OTULINL: variants seen among roughly 807,000 people sequenced by gnomAD.
The protein encoded by OTULINL is inactive ubiquitin thioesterase OTULINL.
OTULINL carries 42 observed loss-of-function variants against 43.9 expected under a neutral mutation model. That is an observed-to-expected ratio of 0.96 (90% CI 0.75 to 1.24). The LOEUF is 1.24. OTULINL is among the 50% of genes most tolerant of loss of function. The pLI is 0.00. For synonymous variants in OTULINL, 172 were observed against 153.6 expected (o/e 1.12, Z -0.88); for missense variants, 411 against 426.4 (o/e 0.96, Z 0.32).
Position 14,602,190 on chromosome 5 carries a change from A to C in OTULINL, c.356A>C (p.Glu119Ala). The C allele has an allele frequency of 6.2e-7, 1 of 1,601,858 alleles. No individual in the cohort carries two copies. The highest frequency in any genetic ancestry group is 8.5e-7 in the Non-Finnish European group (1 of 1,174,814). ...PRNKLMRKAY[E>A]ELFWRHHIKC... ...CTCTTTTTATTTTATTAGGCTTATG[A>C]GGAGCTATTTTGGCGGCATCACATT... The change falls in exon 5 of 8, where the codon GAG becomes GCG. Residue 119 changes from glutamate to alanine, a missense_variant. By Grantham distance (107) the Glu-to-Ala change is moderately radical. Coordinates refer to ENST00000274217, the MANE Select transcript of OTULINL (RefSeq NM_019018.3).
Position 14,614,930 on chromosome 5 carries a change from C to G in OTULINL, c.*4616C>G, listed in dbSNP as rs1378825515. 6 of 396,086 alleles carry G rather than the reference C, an allele frequency of 1.5e-5. No individual in the cohort carries two copies. The highest frequency in any genetic ancestry group is 1.2e-4 in the African/African-American group (6 of 48,598). The allele number at this position is 396,086 out of a possible 1,614,324, so 24.5% of individuals were successfully genotyped here. ...TTGCTGCCACCAGACCAGTGAGAGT[C>G]ACTCACTTATTTGTAATGATTCTTG... On this transcript the variant is annotated 3_prime_UTR_variant, in exon 8 of 8. Transcript: ENST00000274217.
At position 14,610,288 on chromosome 5, in the gene OTULINL, C is replaced by G. The variant is rs199613650; in HGVS notation, c.1045C>G (p.Arg349Gly). The G allele has an allele frequency of 1.9e-6, 3 of 1,613,142 alleles. No homozygotes were observed. Among genetic ancestry groups the G allele is most frequent in the Non-Finnish European group, 2.5e-6 (3 of 1,180,004 alleles). Residue 349 changes from arginine (R) to glycine (G), a missense_variant, in exon 8 of 8, where the codon CGC (arginine) becomes GGC (glycine). Transcript: ENST00000274217. ...PEISLLTEND[R>G]HYHIPVF ...GATCTCCCTGCTGACCGAGAACGAC[C>G]GCCACTACCACATTCCAGTCTTTTA... is the stretch of plus-strand genomic sequence containing the variant.
At chr5:14,590,854 G>A (rs1418709937) in intron 1 of OTULINL, among the ~76,000 whole-genome samples, 1 of 152,102 alleles carries the variant, frequency 6.6e-6, no homozygotes, top group Non-Finnish European at 1.5e-5. Flanking sequence ...TGACATCAGG[G>A]GCTAGCAGGA....
chr5:14,609,219 C>T (rs1178627206), intron 7 of OTULINL, among the ~76,000 whole-genome samples: 2 of 152,176 alleles, frequency 1.3e-5, no homozygotes, highest in East Asian at 1.9e-4. Flanking sequence ...CTCCTCAGAC[C>T]TCTAGCCAGA....
chr5:14,594,544 C>T (rs1032052676), intron 1 of OTULINL, among the ~76,000 whole-genome samples: 1 of 152,140 alleles, frequency 6.6e-6, no homozygotes, highest in African/African-American at 2.4e-5. Flanking sequence ...GCCAGGGGGT[C>T]CCTGTGGGCA....
At chr5:14,583,766 C>T (rs1018721984) in intron 1 of OTULINL, among the ~76,000 whole-genome samples, 1 of 152,104 alleles carries the variant, frequency 6.6e-6, no homozygotes, top group Non-Finnish European at 1.5e-5. Context: ...TTTGGCAAAA[C>T]AAAAATAAAA....
At chr5:14,588,667 G>A (rs1024238074) in intron 1 of OTULINL, among the ~76,000 whole-genome samples, 1 of 152,208 alleles carries the variant, frequency 6.6e-6, no homozygotes, top group African/African-American at 2.4e-5. Context: ...GATCTCCATG[G>A]TGTCAGGGCC....
intron 1 of OTULINL, among the ~76,000 whole-genome samples, chr5:14,585,278 A>C (rs1759086715): frequency 6.6e-6 from 1 of 152,046 alleles, no homozygotes; most frequent in Non-Finnish European, 1.5e-5. Flanking sequence ...CTGTGGGGGA[A>C]AAAAAGCATT....
intron 1 of OTULINL, among the ~76,000 whole-genome samples, chr5:14,599,345 G>A (rs1759344649): frequency 6.6e-6 from 1 of 152,010 alleles, no homozygotes. Flanking sequence ...AAAACTAGTC[G>A]GGCATGGTGG....
rs1007101690 is a variant in OTULINL, at chr5:14,581,910, A to G, written c.16A>G (p.Ser6Gly). 3.3e-5 allele frequency: 46 copies of G among 1,412,058 alleles called. No homozygotes were observed. The highest frequency in any genetic ancestry group is 4.1e-5 in the Non-Finnish European group (44 of 1,082,878). 87.5% of individuals were successfully genotyped at this position (1,412,058 alleles called of 1,614,324 possible). MAATR[S>G]PTRARERERS... ...CGCGGCCGGCATGGCGGCGACAAGGAGCCCCACGCGGGCAAGGGAGCGGGA... is the reference window on the plus strand; with the variant it reads ...CGCGGCCGGCATGGCGGCGACAAGGGGCCCCACGCGGGCAAGGGAGCGGGA... The change falls in exon 1 of 8, where the codon AGC becomes GGC. Residue 6 changes from serine (S) to glycine (G), a missense_variant. Physicochemically the swap from Ser to Gly is moderately conservative, Grantham distance 56 (BLOSUM62 0). Transcript: ENST00000274217.
chr5:14,597,319 A>G (rs1759304050), intron 1 of OTULINL, among the ~76,000 whole-genome samples: 1 of 152,112 alleles, frequency 6.6e-6, no homozygotes, highest in South Asian at 2.1e-4. Context: ...GTGACCATGC[A>G]CTGAGCACTC....
rs76754467 is a variant in OTULINL, at chr5:14,601,080, C to G, written c.180C>G (p.Cys60Trp). The G allele has an allele frequency of 3.7e-6, 6 of 1,613,418 alleles. No individual in the cohort carries two copies. Among genetic ancestry groups the G allele is most frequent in the Non-Finnish European group, 5.1e-6 (6 of 1,179,862 alleles). ...TTTCATTTCTGGTGGCTGCCATCTGCTACTTCCGGAGGCTACATTTATATT... is the reference window on the plus strand; with the variant it reads ...TTTCATTTCTGGTGGCTGCCATCTGGTACTTCCGGAGGCTACATTTATATT... ...LAVSFLVAAI[C>W]YFRRLHLYSG... The change falls in exon 2 of 8, where the codon TGC (cysteine) becomes TGG (tryptophan). Residue 60 changes from cysteine (C) to tryptophan (W), a missense_variant. Transcript: ENST00000274217.
At chr5:14,603,676 A>T (rs899503988) in intron 5 of OTULINL, among the ~76,000 whole-genome samples, 3 of 149,616 alleles carry the variant, frequency 2.0e-5, no homozygotes, top group South Asian at 2.1e-4. Context: ...GTTTTTTTTT[A>T]AATTATTGAG....
At chr5:14,595,830 G>T (rs540596485) in intron 1 of OTULINL, among the ~76,000 whole-genome samples, 43 of 151,860 alleles carry the variant, frequency 2.8e-4, no homozygotes, top group Non-Finnish European at 5.2e-4. Flanking sequence ...GTGGGTCGGG[G>T]TCCCAACATG....
intron 1 of OTULINL, among the ~76,000 whole-genome samples, chr5:14,585,800 C>T (rs1035836644): frequency 6.6e-6 from 1 of 152,254 alleles, no homozygotes; most frequent in Admixed American, 6.5e-5. Context: ...TGGGACTCCA[C>T]TCATAACAGA....
rs201438555 is a variant in OTULINL at position 14,607,310 on chromosome 5, G to T, written c.499-20G>T. ...AACGTTCATATGCTAATCATAGTTG[G>T]CATCTACTTCCTTTTCAAGCTTCCT... On this transcript the variant is annotated intron_variant, in intron 5 of 7. Transcript: ENST00000274217. 32 of 1,612,366 alleles carry T rather than the reference G, an allele frequency of 2.0e-5. No homozygotes were observed. The highest frequency in any genetic ancestry group is 2.7e-5 in the Non-Finnish European group (32 of 1,179,428).
Position 14,607,354 on chromosome 5 carries a change from C to G in OTULINL, c.523C>G (p.Gln175Glu). 2 of 1,613,140 alleles carry G rather than the reference C, an allele frequency of 1.2e-6. No homozygotes were observed. Among genetic ancestry groups the G allele is most frequent in the South Asian group, 2.2e-5 (2 of 90,732 alleles). ...GCTTCCTGAAAAACTGCTGTTTTCA[C>G]AAGGTTGTAATTGGATTCAGCAGTA... ...VKLPEKLLFSQGCNWIQQYSF... is the reference protein window; with the variant it reads ...VKLPEKLLFSEGCNWIQQYSF... The change falls in exon 6 of 8, where the codon CAA becomes GAA. Residue 175 changes from glutamine to glutamate, a missense_variant. Gln to Glu is a conservative substitution (Grantham distance 29). Coordinates refer to ENST00000274217, the MANE Select transcript of OTULINL (RefSeq NM_019018.3).
Position 14,609,008 on chromosome 5 carries a change from A to T in OTULINL, c.888A>T (p.Gly296=). ...NHLNSVGDTC[G]LEQIDMFILG... is the part of the protein sequence containing the mutation. ...TGAATTCTGTAGGCGACACATGTGG[A>T]CTAGAGCAGGTAACCGGGGAGGAAG... Residue 296 remains glycine, a synonymous_variant, in exon 7 of 8, where the codon GGA becomes GGT. Coordinates refer to ENST00000274217, the MANE Select transcript of OTULINL (RefSeq NM_019018.3). 1 of 1,606,716 alleles carries T rather than the reference A, an allele frequency of 6.2e-7. No individual in the cohort carries two copies. Among genetic ancestry groups the T allele is most frequent in the African/African-American group, 1.3e-5 (1 of 74,788 alleles).
In OTULINL at chr5:14,613,322, C is replaced by T. The variant is rs964748152; in HGVS notation, c.*3008C>T. ...AACTTTTTAAAATCTCCAAGACTGA[C>T]TTTTTTTCAAAGCAGGCAACTTTAA... On this transcript the variant is annotated 3_prime_UTR_variant, in exon 8 of 8. Transcript: ENST00000274217. Among the ~76,000 whole-genome samples the T allele has an allele frequency of 8.5e-5, 13 of 152,198 alleles. No individual in the cohort carries two copies. The highest frequency in any genetic ancestry group is 1.3e-4 in the Non-Finnish European group (9 of 68,026).
Sources: gnomAD v4.1 joint callset for allele counts (sites outside exome capture counted in the v4.1 genomes callset) on GRCh38, gnomAD v4.1.1 for gene constraint, MANE v1.5 for transcripts, NCBI Gene and HGNC (gene_info 2026-07-23, HGNC 2026-07-21) for gene names.